Variants in TOPAZ1 observed in about 807,000 individuals in gnomAD.
TOPAZ1 encodes the protein testis and ovary specific TOPAZ 1, also known as protein TOPAZ1.
In TOPAZ1, 66 loss-of-function variants were observed where a neutral mutation model predicts 172.2. The observed-to-expected ratio is 0.38, with a 90% CI of 0.31 to 0.47. The LOEUF (loss-of-function observed/expected upper bound fraction) is 0.47. Among genes scored for constraint, TOPAZ1 ranks in the 20% least tolerant of loss-of-function variants. The pLI, the probability that TOPAZ1 is intolerant of heterozygous loss-of-function variation, is 0.99. For missense variants in TOPAZ1, 1,822 were observed against 1,972.4 expected (o/e 0.92, Z 1.44); for synonymous variants, 681 against 683.9 (o/e 1.00, Z 0.07).
chr3:44,307,649 T>G (rs1469819306), intron 15 of TOPAZ1, among the ~76,000 whole-genome samples: 2 of 152,182 alleles, frequency 1.3e-5, no homozygotes, highest in Non-Finnish European at 2.9e-5. Flanking sequence ...CTATTAAAGT[T>G]TATCTTTTGT....
At chr3:44,322,018 G>T (rs1043009525) in intron 17 of TOPAZ1, among the ~76,000 whole-genome samples, 2 of 152,178 alleles carry the variant, frequency 1.3e-5, no homozygotes, top group Non-Finnish European at 2.9e-5. Flanking sequence ...TCTTCTCTGT[G>T]TATAAAAAGG....
Position 44,254,952 on chromosome 3 carries a change from G to C in TOPAZ1, c.2766-16G>C, listed in dbSNP as rs762351235. ...GAATCTATTATAATGTTTAAGCTCT[G>C]TTTGCTTTATAATAGAGAACTTCCT... On this transcript the variant is annotated splice_polypyrimidine_tract_variant and intron_variant, in intron 2 of 19. Transcript: ENST00000309765. The C allele has an allele frequency of 1.3e-5, 20 of 1,539,742 alleles. No individual in the cohort carries two copies. Among genetic ancestry groups the C allele is most frequent in the Non-Finnish European group, 1.4e-5 (16 of 1,136,672 alleles).
In TOPAZ1 at chr3:44,243,272, G is replaced by A. The variant is rs796786257; in HGVS notation, c.766G>A (p.Ala256Thr). ...YKPDGGCMHV[A>T]ENFSKKENLR... ...ACCTGATGGTGGATGTATGCATGTAGCAGAAAATTTCTCAAAGAAAGAAAA... is the reference window on the plus strand; with the variant it reads ...ACCTGATGGTGGATGTATGCATGTAACAGAAAATTTCTCAAAGAAAGAAAA... The change falls in exon 2 of 20, where the codon GCA becomes ACA. Residue 256 changes from alanine (A) to threonine (T), a missense_variant. Physicochemically the swap from Ala to Thr is moderately conservative, Grantham distance 58 (BLOSUM62 0). Transcript: ENST00000309765. The A allele has an allele frequency of 1.1e-4, 163 of 1,551,440 alleles. No individual in the cohort carries two copies. In the Admixed American group the frequency reaches 3.0e-3, roughly 29 times the overall value.
intron 5 of TOPAZ1, among the ~76,000 whole-genome samples, chr3:44,264,800 CTT>C (rs2125684096): frequency 6.6e-6 from 1 of 152,318 alleles, no homozygotes; most frequent in East Asian, 1.9e-4. Context: ...TTAATGGCTT[CTT>C]CATCAGGAGT....
At chr3:44,250,243 C>CAAAAA (rs35079686) in intron 2 of TOPAZ1, among the ~76,000 whole-genome samples, 3 of 110,794 alleles carry the variant, frequency 2.7e-5, no homozygotes, top group Non-Finnish European at 5.4e-5. Flanking sequence ...CATGAAATGA[C>CAAAAA]AAAAAAAAAA....
In TOPAZ1 at chr3:44,242,399, A is replaced by C; in HGVS notation, c.346A>C (p.Thr116Pro). ...AELPLQTERH[T>P]KEKRKVTEAS... is the part of the protein sequence containing the mutation. The stretch of plus-strand genomic sequence containing the variant: ...ACTCCCCTTGCAAACGGAAAGACAC[A>C]GTAAGAAAGCATCCACGATCACTTA... The change falls in exon 1 of 20, where the codon ACC becomes CCC. Residue 116 changes from threonine (T) to proline (P), a missense_variant and splice_region_variant. Thr to Pro is a conservative substitution (Grantham distance 38). Around this residue, in one of 2 missense-constraint regions of TOPAZ1, gnomAD observed 1,489 missense variants for 1,490.8 expected, o/e 1.00. Coordinates refer to ENST00000309765, the MANE Select transcript of TOPAZ1 (RefSeq NM_001145030.2). The C allele has an allele frequency of 6.4e-7, 1 of 1,552,310 alleles. No homozygotes were observed. Among genetic ancestry groups the C allele is most frequent in the Non-Finnish European group, 8.7e-7 (1 of 1,147,126 alleles).
chr3:44,249,855 T>C (rs1699609526), intron 2 of TOPAZ1, among the ~76,000 whole-genome samples: 2 of 152,076 alleles, frequency 1.3e-5, no homozygotes, highest in Admixed American at 1.3e-4. Flanking sequence ...ATAAGTAGGG[T>C]GATGCTAGAT....
intron 18 of TOPAZ1, among the ~76,000 whole-genome samples, chr3:44,324,836 T>C (rs1223476802): frequency 6.6e-6 from 1 of 152,208 alleles, no homozygotes; most frequent in African/African-American, 2.4e-5. Context: ...AATTCAGCCC[T>C]AGTAAGAATT....
At chr3:44,264,723 C>G (rs1559530294) in intron 5 of TOPAZ1, among the ~76,000 whole-genome samples, 1 of 152,230 alleles carries the variant, frequency 6.6e-6, no homozygotes, top group African/African-American at 2.4e-5. Flanking sequence ...TCAATCCTCT[C>G]AAACTCTACC....
Position 44,323,898 on chromosome 3 carries a change from G to A in TOPAZ1, c.4675+603G>A, listed in dbSNP as rs562773248. ...TTAATTAGAAAGTAATTCCATGTACGTTCTAGATCTAGAAAAGCATTGTTT... is the reference window on the plus strand; with the variant it reads ...TTAATTAGAAAGTAATTCCATGTACATTCTAGATCTAGAAAAGCATTGTTT... On this transcript the variant is annotated intron_variant, in intron 18 of 19. Coordinates refer to ENST00000309765, the MANE Select transcript of TOPAZ1 (RefSeq NM_001145030.2). Among the ~76,000 whole-genome samples the A allele has an allele frequency of 6.5e-4, 99 of 152,274 alleles. 1 individual carries two copies. Among genetic ancestry groups the A allele is most frequent in the African/African-American group, 1.6e-3 (65 of 41,552 alleles).
In TOPAZ1 at chr3:44,308,647, G is replaced by GAAATTTTAATAAAAGAGAAA. The variant is rs1214818309; in HGVS notation, c.4141-1177_4141-1176insAATTTTAATAAAAGAGAAAA. The stretch of plus-strand genomic sequence containing the variant: ...ATTTAATAAAAGAGAAACTCAGACT[G>GAAATTTTAATAAAAGAGAAA]ATTTTGCTGAAATTTTAGAGTATAT... On this transcript the variant is annotated intron_variant, in intron 15 of 19. Transcript: ENST00000309765. Among the ~76,000 whole-genome samples, 146 of 152,136 alleles carry GAAATTTTAATAAAAGAGAAA rather than the reference G, an allele frequency of 9.6e-4. 1 individual carries two copies. The highest frequency in any genetic ancestry group is 3.4e-3 in the African/African-American group (141 of 41,512).
At chr3:44,317,580 T>C (rs1700464912) in intron 16 of TOPAZ1, among the ~76,000 whole-genome samples, 1 of 152,226 alleles carries the variant, frequency 6.6e-6, no homozygotes, top group Non-Finnish European at 1.5e-5. Context: ...TCCCAGTGTG[T>C]ATATTCAAAA....
At chr3:44,304,799 G>A (rs1466228431) in intron 13 of TOPAZ1, among the ~76,000 whole-genome samples, 4 of 152,188 alleles carry the variant, frequency 2.6e-5, no homozygotes, top group Non-Finnish European at 4.4e-5. Flanking sequence ...TTGCCATGGA[G>A]ACAGTTCAAA....
chr3:44,297,212 TTA>T (rs1283780860), intron 12 of TOPAZ1, among the ~76,000 whole-genome samples: 1 of 151,812 alleles, frequency 6.6e-6, no homozygotes, highest in Non-Finnish European at 1.5e-5. Context: ...CAAATTAGTA[TTA>T]TCTCTCCTGA....
chr3:44,313,619 A>C (rs76278591), intron 16 of TOPAZ1, among the ~76,000 whole-genome samples: 1 of 61,582 alleles, frequency 1.6e-5, no homozygotes. Flanking sequence ...CTCTGTCTCA[A>C]AAAAAAAAAA....
At chr3:44,272,198 A>G (rs533840400) in intron 8 of TOPAZ1, among the ~76,000 whole-genome samples, 1 of 152,336 alleles carries the variant, frequency 6.6e-6, no homozygotes, top group South Asian at 2.1e-4. Context: ...ATAGTGCTGC[A>G]ATGAACATAG....
rs746671200 is a variant in TOPAZ1 at position 44,242,323 on chromosome 3, C to G, written c.270C>G (p.Ser90Arg). The change falls in exon 1 of 20, where the codon AGC becomes AGG. Residue 90 changes from serine to arginine, a missense_variant. Ser to Arg is a moderately radical substitution (Grantham distance 110, BLOSUM62 -1). Around this residue, in one of 2 missense-constraint regions of TOPAZ1, gnomAD observed 1,489 missense variants for 1,490.8 expected, o/e 1.00. Coordinates refer to ENST00000309765, the MANE Select transcript of TOPAZ1 (RefSeq NM_001145030.2). Reference sequence around the variant, plus strand: ...TGGAGGGGCGCAGGGGCCCGGTGAGCCCGTCAGACTCGTCAGACCCGCGAG... The same window carrying G: ...TGGAGGGGCGCAGGGGCCCGGTGAGGCCGTCAGACTCGTCAGACCCGCGAG... Reference protein sequence around the residue: ...RQVEGRRGPVSPSDSSDPRGL... With the variant: ...RQVEGRRGPVRPSDSSDPRGL... 5.2e-6 allele frequency: 8 copies of G among 1,552,162 alleles called. No homozygotes were observed. In the South Asian group the frequency reaches 9.5e-5, roughly 18 times the overall value.
intron 11 of TOPAZ1, among the ~76,000 whole-genome samples, chr3:44,288,474 G>A (rs937600797): frequency 1.3e-5 from 2 of 152,138 alleles, no homozygotes; most frequent in Non-Finnish European, 2.9e-5. Flanking sequence ...ACAGGGTCAG[G>A]AGTTCAAGAC....
intron 16 of TOPAZ1, among the ~76,000 whole-genome samples, chr3:44,320,415 G>A (rs1279587432): frequency 6.6e-6 from 1 of 152,112 alleles, no homozygotes. Context: ...GGCTGACACA[G>A]CGAAACTCCG....
Sources: gnomAD v4.1 joint callset for allele counts (sites outside exome capture counted in the v4.1 genomes callset) on GRCh38, gnomAD v4.1.1 for gene constraint, gnomAD v4.1.1 regional missense constraint, MANE v1.5 for transcripts, NCBI Gene and HGNC (gene_info 2026-07-23, HGNC 2026-07-21) for gene names.